Variants in GRID2 observed in about 807,000 individuals in gnomAD.
GRID2 encodes the protein glutamate ionotropic receptor delta type subunit 2, also known as glutamate receptor ionotropic, delta-2.
Under a neutral mutation model 114.8 loss-of-function variants are expected in GRID2, and 33 were observed. The ratio of observed to expected loss-of-function variants is 0.29; its 90% CI spans 0.22 to 0.38. The LOEUF (loss-of-function observed/expected upper bound fraction) is 0.38. GRID2 is among the 10% of genes least tolerant of loss of function. The pLI, the probability that GRID2 is intolerant of heterozygous loss-of-function variation, is 1.00. For synonymous variants in GRID2, 505 were observed against 449.9 expected, an observed-to-expected ratio of 1.12 and a Z score of -1.55; for missense variants, 1,184 against 1,257.7, an observed-to-expected ratio of 0.94 and a Z score of 0.89.
At position 92,742,155 on chromosome 4, in the gene GRID2, T is replaced by C. The variant is rs190761385; in HGVS notation, c.244+151869T>C. On this transcript the variant is annotated intron_variant, in intron 2 of 15. Coordinates refer to ENST00000282020, the MANE Select transcript of GRID2 (RefSeq NM_001510.4). Reference sequence around the variant, plus strand: ...AACATTGAAAAGCTGGCAGTATTTATTTATAGTGACTTCTTTCTTAATGTC... The same window carrying C: ...AACATTGAAAAGCTGGCAGTATTTACTTATAGTGACTTCTTTCTTAATGTC... Among the ~76,000 whole-genome samples the C allele has an allele frequency of 5.4e-4, 82 of 152,294 alleles. 1 individual carries two copies. The highest frequency in any genetic ancestry group is 9.3e-4 in the Non-Finnish European group (63 of 68,016).
intron 4 of GRID2, among the ~76,000 whole-genome samples, chr4:93,154,478 A>G (rs1418316563): frequency 6.6e-6 from 1 of 151,998 alleles, no homozygotes; most frequent in East Asian, 1.9e-4. Flanking sequence ...GTGGTTAAAT[A>G]TTTTGAATAC....
At chr4:92,661,753 A>C (rs1227058411) in intron 2 of GRID2, among the ~76,000 whole-genome samples, 1 of 150,970 alleles carries the variant, frequency 6.6e-6, no homozygotes, top group Non-Finnish European at 1.5e-5. Context: ...TTAATTTCTC[A>C]ACTGAAATAA....
intron 2 of GRID2, among the ~76,000 whole-genome samples, chr4:92,946,973 C>T (rs534334419): frequency 6.6e-6 from 1 of 151,984 alleles, no homozygotes; most frequent in Non-Finnish European, 1.5e-5. Flanking sequence ...TGTCCTTACT[C>T]TGAAAGATGG....
At chr4:92,342,192 C>G (rs1051822252) in intron 1 of GRID2, among the ~76,000 whole-genome samples, 2 of 151,658 alleles carry the variant, frequency 1.3e-5, no homozygotes, top group Non-Finnish European at 2.9e-5. Flanking sequence ...TATATATACA[C>G]CCATAAATAT....
At chr4:92,739,612 G>A (rs1012612610) in intron 2 of GRID2, among the ~76,000 whole-genome samples, 7 of 152,062 alleles carry the variant, frequency 4.6e-5, no homozygotes, top group African/African-American at 1.7e-4. Flanking sequence ...AGTTATACGA[G>A]ATTCTTATAA....
At chr4:92,925,249 A>T (rs1357586239) in intron 2 of GRID2, among the ~76,000 whole-genome samples, 1 of 152,026 alleles carries the variant, frequency 6.6e-6, no homozygotes, top group East Asian at 1.9e-4. Flanking sequence ...CCACCATGGG[A>T]CTTTAAAAAA....
Position 92,818,113 on chromosome 4 carries a change from GTTATCTCAGGTGTCACA to G in GRID2, c.244+227845_244+227861del, listed in dbSNP as rs952904887. 3.3e-5 allele frequency among the ~76,000 whole-genome samples: 5 copies of G among 152,044 alleles called. 1 individual carries two copies. The South Asian group carries it at 8.3e-4, about 25-fold the overall frequency. ...TATCACTATATCCACAACTGTTTCT[GTTATCTCAGGTGTCACA>G]TTATCTCAGGTGTCACACTAAACTT... On this transcript the variant is annotated intron_variant, in intron 2 of 15. Coordinates refer to ENST00000282020, the MANE Select transcript of GRID2 (RefSeq NM_001510.4).
At chr4:93,605,973 AAGT>A (rs1740194721) in intron 13 of GRID2, among the ~76,000 whole-genome samples, 1 of 152,128 alleles carries the variant, frequency 6.6e-6, no homozygotes, top group Non-Finnish European at 1.5e-5. Context: ...GGATGGTAGA[AAGT>A]AGAACTGAGG....
intron 2 of GRID2, among the ~76,000 whole-genome samples, chr4:92,881,859 AC>A (rs1330125931): frequency 1.3e-5 from 2 of 152,222 alleles, no homozygotes; most frequent in Non-Finnish European, 2.9e-5. Context: ...CATAAGCAAT[AC>A]ACTTTTTAAA....
chr4:93,135,774 C>A (rs1005022501), intron 4 of GRID2, among the ~76,000 whole-genome samples: 3 of 151,952 alleles, frequency 2.0e-5, no homozygotes, highest in African/African-American at 7.2e-5. Context: ...AGTAGAAAAC[C>A]AAGAAGAGTT....
At chr4:92,987,886 T>C (rs1484981431) in intron 2 of GRID2, among the ~76,000 whole-genome samples, 1 of 152,176 alleles carries the variant, frequency 6.6e-6, no homozygotes, top group Non-Finnish European at 1.5e-5. Context: ...AGATATCTGC[T>C]AATATCACAT....
At chr4:93,180,374 G>A (rs530656721) in intron 4 of GRID2, among the ~76,000 whole-genome samples, 1 of 152,210 alleles carries the variant, frequency 6.6e-6, no homozygotes, top group Non-Finnish European at 1.5e-5. Context: ...AATCATCTGG[G>A]CCTTTAGTGA....
intron 7 of GRID2, among the ~76,000 whole-genome samples, chr4:93,228,823 G>A (rs2149497585): frequency 6.6e-6 from 1 of 152,262 alleles, no homozygotes; most frequent in African/African-American, 2.4e-5. Context: ...AATAGTTTAG[G>A]AGGTTGCTTA....
intron 11 of GRID2, among the ~76,000 whole-genome samples, chr4:93,457,248 G>C (rs531914573): frequency 1.3e-5 from 2 of 152,208 alleles, no homozygotes; most frequent in African/African-American, 2.4e-5. Flanking sequence ...CGCAGAGAAG[G>C]CTTTTTAAAG....
intron 1 of GRID2, among the ~76,000 whole-genome samples, chr4:92,538,875 T>C (rs928384466): frequency 2.6e-5 from 4 of 152,014 alleles, no homozygotes; most frequent in Non-Finnish European, 5.9e-5. Flanking sequence ...ACCCCGTCTC[T>C]ACTAAAAATA....
At chr4:92,909,588 A>G (rs1434451661) in intron 2 of GRID2, among the ~76,000 whole-genome samples, 1 of 152,146 alleles carries the variant, frequency 6.6e-6, no homozygotes, top group Non-Finnish European at 1.5e-5. Flanking sequence ...AGTTGCAGGG[A>G]TACTTGGATG....
chr4:92,492,996 G>T (rs151059600), intron 1 of GRID2, among the ~76,000 whole-genome samples: 3,196 of 151,862 alleles, frequency 0.021, 111 homozygotes, highest in African/African-American at 0.073. Context: ...AGGTGTGGTG[G>T]CACATGCTTG....
intron 2 of GRID2, among the ~76,000 whole-genome samples, chr4:92,644,631 C>CT (rs1314470959): frequency 6.6e-6 from 1 of 151,572 alleles, no homozygotes; most frequent in Non-Finnish European, 1.5e-5. Context: ...CCTTCAACAT[C>CT]TTTAAAAGGT....
rs72882129 is a variant in GRID2, at chr4:92,355,211, C to T, written c.88+50467C>T. Among the ~76,000 whole-genome samples, 174 of 151,930 alleles carry T rather than the reference C, an allele frequency of 1.1e-3. 1 individual carries two copies. The highest frequency in any genetic ancestry group is 3.9e-3 in the African/African-American group (163 of 41,518). ...GATGTTTTCAGCCATGGCCACATTACGTATGTAGTTTCTAAAAAGATACAT... is the reference window on the plus strand; with the variant it reads ...GATGTTTTCAGCCATGGCCACATTATGTATGTAGTTTCTAAAAAGATACAT... On this transcript the variant is annotated intron_variant, in intron 1 of 15. Coordinates refer to ENST00000282020, the MANE Select transcript of GRID2 (RefSeq NM_001510.4).
Sources: allele counts gnomAD v4.1 joint callset (sites outside exome capture counted in the v4.1 genomes callset), GRCh38; gene constraint gnomAD v4.1.1; transcripts MANE v1.5; gene names NCBI Gene and HGNC (gene_info 2026-07-23, HGNC 2026-07-21).